The following PHACTR1 variants were observed in gnomAD, a reference collection of about 807,000 sequenced individuals.
The protein encoded by PHACTR1 is phosphatase and actin regulator 1, also known as RPEL repeat containing 1.
A neutral mutation model predicts 69.2 loss-of-function variants in PHACTR1; 16 were observed. The ratio of observed to expected loss-of-function variants is 0.23; its 90% CI spans 0.16 to 0.35. The LOEUF (loss-of-function observed/expected upper bound fraction) is 0.35. PHACTR1 is among the 10% of genes least tolerant of loss of function. PHACTR1 has a pLI of 1.00. For synonymous variants in PHACTR1, 312 were observed against 284.5 expected, an observed-to-expected ratio of 1.10 and a Z score of -0.97; for missense variants, 510 against 734.7, an observed-to-expected ratio of 0.69 and a Z score of 3.54.
At chr6:12,786,178 A>G (rs1771521290) in intron 4 of PHACTR1, among the ~76,000 whole-genome samples, 1 of 152,170 alleles carries the variant, frequency 6.6e-6, no homozygotes, top group South Asian at 2.1e-4. Context: ...TAAACATAGT[A>G]CAATGTTCAA....
chr6:13,042,704 C>A (rs1280426504), intron 4 of PHACTR1, among the ~76,000 whole-genome samples: 1 of 152,170 alleles, frequency 6.6e-6, no homozygotes, highest in East Asian at 1.9e-4. Context: ...GAATTTCACC[C>A]CTAGTGGAAC....
rs543320023 is a variant in PHACTR1 at position 12,913,218 on chromosome 6, T to G, written c.251-140147T>G. 1.5e-4 allele frequency among the ~76,000 whole-genome samples: 23 copies of G among 152,358 alleles called. No homozygotes were observed. In the South Asian group the frequency reaches 4.3e-3, roughly 29 times the overall value. The stretch of plus-strand genomic sequence containing the variant: ...GATCATGCAGAATATGGAACAGCAC[T>G]GGCTCCAGAGGTCATCAGGTGACTA... On this transcript the variant is annotated intron_variant, in intron 4 of 14. Transcript: ENST00000332995.
intron 4 of PHACTR1, among the ~76,000 whole-genome samples, chr6:12,751,826 T>C (rs1319839839): frequency 1.3e-5 from 2 of 152,172 alleles, no homozygotes; most frequent in Non-Finnish European, 2.9e-5. Flanking sequence ...AAGAGAGAAA[T>C]GCAGAGAGGA....
chr6:12,722,999 CCA>C (rs1318768223), intron 3 of PHACTR1, among the ~76,000 whole-genome samples: 2 of 152,124 alleles, frequency 1.3e-5, no homozygotes, highest in Admixed American at 1.3e-4. Flanking sequence ...CAATGCTACC[CCA>C]CACACTCAAC....
chr6:12,956,310 G>T (rs376906037), intron 4 of PHACTR1, among the ~76,000 whole-genome samples: 95 of 152,300 alleles, frequency 6.2e-4, no homozygotes, highest in African/African-American at 2.1e-3. Flanking sequence ...CTTGATCGTC[G>T]TATTGTGTGA....
intron 10 of PHACTR1, among the ~76,000 whole-genome samples, chr6:13,260,669 G>A (rs1686152362): frequency 6.6e-6 from 1 of 152,162 alleles, no homozygotes. Context: ...ACCCAAGCTG[G>A]TGACTGGCAT....
At chr6:13,251,733 G>T (rs778068020) in intron 10 of PHACTR1, among the ~76,000 whole-genome samples, 1 of 152,054 alleles carries the variant, frequency 6.6e-6, no homozygotes, top group Non-Finnish European at 1.5e-5. Context: ...GCTCTCAAGG[G>T]CTCTCTCTCA....
chr6:13,045,319 G>A (rs1026823331), intron 4 of PHACTR1, among the ~76,000 whole-genome samples: 16 of 152,100 alleles, frequency 1.1e-4, no homozygotes, highest in Admixed American at 1.0e-3. Context: ...TCAGTGTCTG[G>A]AATAGACTTA....
At chr6:12,886,689 C>T (rs778377153) in intron 4 of PHACTR1, among the ~76,000 whole-genome samples, 4 of 152,094 alleles carry the variant, frequency 2.6e-5, no homozygotes, top group Admixed American at 6.6e-5. Context: ...GAGAACCTTC[C>T]GAAGGAAACC....
intron 7 of PHACTR1, among the ~76,000 whole-genome samples, chr6:13,192,822 G>T (rs2113788681): frequency 6.6e-6 from 1 of 152,322 alleles, no homozygotes; most frequent in East Asian, 1.9e-4. Flanking sequence ...TGAACAGGAG[G>T]CTTTGTGAGG....
chr6:12,937,968 C>T (rs1380672909), intron 4 of PHACTR1, among the ~76,000 whole-genome samples: 1 of 152,050 alleles, frequency 6.6e-6, no homozygotes, highest in African/African-American at 2.4e-5. Context: ...GGCATGGTAG[C>T]ACATGCCTGT....
intron 5 of PHACTR1, among the ~76,000 whole-genome samples, chr6:13,122,547 T>C (rs1400242565): frequency 1.3e-5 from 2 of 152,252 alleles, no homozygotes; most frequent in African/African-American, 4.8e-5. Flanking sequence ...CCCGCTAGAA[T>C]GAGGGCAATT....
chr6:12,939,727 G>C (rs2127539444), intron 4 of PHACTR1, among the ~76,000 whole-genome samples: 1 of 151,942 alleles, frequency 6.6e-6, no homozygotes. Context: ...GGCCAGAGGT[G>C]CCCCACTAGT....
At chr6:12,717,298 C>A (rs79818833) in intron 1 of PHACTR1, among the ~76,000 whole-genome samples, 2,957 of 151,766 alleles carry the variant, frequency 0.019, 99 homozygotes, top group African/African-American at 0.067. Flanking sequence ...ATATTCTATT[C>A]TTTTGTAGCT....
intron 4 of PHACTR1, among the ~76,000 whole-genome samples, chr6:13,030,447 A>ATTTTCCT (rs767944198): frequency 1.8e-4 from 28 of 152,352 alleles, no homozygotes; most frequent in Admixed American, 1.5e-3. Flanking sequence ...ATTACTTAGA[A>ATTTTCCT]GTCTTGTGGA....
At chr6:12,925,554 G>A (rs1055534108) in intron 4 of PHACTR1, among the ~76,000 whole-genome samples, 11 of 152,186 alleles carry the variant, frequency 7.2e-5, no homozygotes, top group Non-Finnish European at 1.5e-5. Context: ...AGCCCATAGA[G>A]TGGGATTTAA....
chr6:13,177,172 T>TTA (rs1554146632), intron 6 of PHACTR1, among the ~76,000 whole-genome samples: 2 of 63,376 alleles, frequency 3.2e-5, no homozygotes, highest in Non-Finnish European at 5.1e-5. Context: ...ACCCCATCTC[T>TTA]AAAAAAAAAA....
chr6:12,742,195 T>A (rs1765142253), intron 3 of PHACTR1, among the ~76,000 whole-genome samples: 1 of 152,190 alleles, frequency 6.6e-6, no homozygotes. Flanking sequence ...CTGCTTATAC[T>A]TACTGTTACT....
chr6:13,253,156 G>A (rs963501225), intron 10 of PHACTR1: 9 of 351,794 alleles, frequency 2.6e-5, no homozygotes, highest in East Asian at 7.6e-5. Context: ...AAGTATGATC[G>A]CCCCAAAATG....
Sources: gnomAD v4.1 joint callset for allele counts (sites outside exome capture counted in the v4.1 genomes callset) on GRCh38, gnomAD v4.1.1 for gene constraint, MANE v1.5 for transcripts, NCBI Gene and HGNC (gene_info 2026-07-23, HGNC 2026-07-21) for gene names.